SLC44A5: variants seen among roughly 807,000 people sequenced by gnomAD.
SLC44A5 encodes the protein solute carrier family 44 member 5, also known as choline transporter-like protein 5.
SLC44A5 carries 57 observed loss-of-function variants against 101.8 expected under a neutral mutation model. The ratio of observed to expected loss-of-function variants is 0.56; its 90% CI spans 0.45 to 0.70. The LOEUF is 0.70. Among genes scored for constraint, SLC44A5 ranks in the 30% least tolerant of loss-of-function variants. The pLI, the probability that SLC44A5 is intolerant of heterozygous loss-of-function variation, is 0.00. For synonymous variants in SLC44A5, 281 were observed against 290.9 expected (o/e 0.97, Z 0.35); for missense variants, 737 against 853.1 (o/e 0.86, Z 1.70).
chr1:75,574,243 A>G (rs1007774510), intron 1 of SLC44A5, among the ~76,000 whole-genome samples: 23 of 152,182 alleles, frequency 1.5e-4, no homozygotes, highest in African/African-American at 3.9e-4. Flanking sequence ...CTACAAGTAG[A>G]CTGCATTGCA....
At chr1:75,249,529 C>T (rs553756918) in intron 7 of SLC44A5, among the ~76,000 whole-genome samples, 290 of 152,104 alleles carry the variant, frequency 1.9e-3, no homozygotes, top group African/African-American at 6.3e-3. Flanking sequence ...GCCAAGCAAA[C>T]GGCTATAGGA....
chr1:75,673,786 T>C, the SLC44A5 span, among the ~76,000 whole-genome samples: 3 of 152,124 alleles, frequency 2.0e-5, no homozygotes, highest in Non-Finnish European at 2.9e-5. Flanking sequence ...ATCCAGGGAA[T>C]TCTCCTGGAT....
At chr1:75,444,314 CA>C (rs1352110826) in intron 2 of SLC44A5, among the ~76,000 whole-genome samples, 301 of 25,222 alleles carry the variant, frequency 0.012, no homozygotes, top group Middle Eastern at 0.019. Context: ...AAAACTCTGT[CA>C]AAAAAAAAAA....
chr1:75,462,466 A>G (rs1267809065), intron 2 of SLC44A5, among the ~76,000 whole-genome samples: 2 of 152,210 alleles, frequency 1.3e-5, no homozygotes, highest in Non-Finnish European at 2.9e-5. Context: ...TAACTCTTCA[A>G]TGCCCAGACA....
chr1:75,698,533 TA>T, the SLC44A5 span, among the ~76,000 whole-genome samples: 2 of 152,050 alleles, frequency 1.3e-5, no homozygotes, highest in African/African-American at 4.8e-5. Context: ...CAAAACTAGA[TA>T]AAACCACAAA....
intron 10 of SLC44A5, among the ~76,000 whole-genome samples, chr1:75,237,665 T>A (rs1648219657): frequency 6.6e-6 from 1 of 152,090 alleles, no homozygotes; most frequent in Admixed American, 6.6e-5. Context: ...TAATTATATA[T>A]GCATCACAGG....
chr1:75,243,587 T>A (rs1211953243), intron 7 of SLC44A5, among the ~76,000 whole-genome samples: 1 of 152,146 alleles, frequency 6.6e-6, no homozygotes, highest in Non-Finnish European at 1.5e-5. Flanking sequence ...GAGATAATTG[T>A]AAATCAACAT....
chr1:75,337,516 G>T (rs1192256889), intron 4 of SLC44A5, among the ~76,000 whole-genome samples: 3 of 152,154 alleles, frequency 2.0e-5, no homozygotes, highest in Non-Finnish European at 2.9e-5. Flanking sequence ...TAATGCCAAG[G>T]ATAATGCTGA....
chr1:75,541,802 C>T (rs1233717093), intron 1 of SLC44A5, among the ~76,000 whole-genome samples: 1 of 152,044 alleles, frequency 6.6e-6, no homozygotes, highest in Non-Finnish European at 1.5e-5. Flanking sequence ...CTTCACGTTC[C>T]CCCTGTAAAA....
chr1:75,556,196 A>T (rs1672206634), intron 1 of SLC44A5, among the ~76,000 whole-genome samples: 1 of 152,092 alleles, frequency 6.6e-6, no homozygotes, highest in Non-Finnish European at 1.5e-5. Flanking sequence ...CCTCCAAGCA[A>T]AATTAGTCAC....
intron 2 of SLC44A5, among the ~76,000 whole-genome samples, chr1:75,449,302 T>C (rs1665761829): frequency 6.6e-6 from 1 of 152,206 alleles, no homozygotes; most frequent in Non-Finnish European, 1.5e-5. Context: ...CTTGTCTCCT[T>C]CCAGCTTTAG....
intron 3 of SLC44A5, among the ~76,000 whole-genome samples, chr1:75,350,743 A>T (rs1275670063): frequency 1.3e-5 from 2 of 151,536 alleles, no homozygotes; most frequent in African/African-American, 4.8e-5. Flanking sequence ...AGACACAAAA[A>T]ATGAGCCAGG....
At chr1:75,601,123 GC>G (rs1007146086) in intron 1 of SLC44A5, among the ~76,000 whole-genome samples, 7 of 152,152 alleles carry the variant, frequency 4.6e-5, no homozygotes. Context: ...ATTTTGGCTA[GC>G]GACATTTCAG....
chr1:75,408,919 T>C (rs1663091135), intron 2 of SLC44A5, among the ~76,000 whole-genome samples: 2 of 152,152 alleles, frequency 1.3e-5, no homozygotes, highest in South Asian at 4.1e-4. Flanking sequence ...TGTTAATGCC[T>C]TTCCTTACAG....
chr1:75,245,932 A>G (rs1417913626), intron 7 of SLC44A5, among the ~76,000 whole-genome samples: 6 of 152,142 alleles, frequency 3.9e-5, no homozygotes, highest in Admixed American at 3.9e-4. Flanking sequence ...CTGTCCTTTA[A>G]GTGCTTGTGA....
intron 2 of SLC44A5, among the ~76,000 whole-genome samples, chr1:75,417,354 G>A (rs1016720096): frequency 6.6e-6 from 1 of 152,194 alleles, no homozygotes; most frequent in Non-Finnish European, 1.5e-5. Flanking sequence ...GGCTTCTACA[G>A]CCACATGGAA....
chr1:75,541,999 T>G (rs747944583), intron 1 of SLC44A5, among the ~76,000 whole-genome samples: 1 of 152,166 alleles, frequency 6.6e-6, no homozygotes, highest in Non-Finnish European at 1.5e-5. Flanking sequence ...AATGGTATTA[T>G]ATGGCATTTA....
At chr1:75,691,064 AC>A in the SLC44A5 span, among the ~76,000 whole-genome samples, 771 of 150,154 alleles carry the variant, frequency 5.1e-3, 10 homozygotes, top group African/African-American at 0.018. Flanking sequence ...ATACACATGC[AC>A]CCCCCCCTTT....
At chr1:75,293,590 G>A (rs1277374055) in intron 5 of SLC44A5, among the ~76,000 whole-genome samples, 1 of 152,136 alleles carries the variant, frequency 6.6e-6, no homozygotes, top group Non-Finnish European at 1.5e-5. Context: ...GCAGATAATA[G>A]GACACATGAT....
Sources: gnomAD v4.1 joint callset for allele counts (sites outside exome capture counted in the v4.1 genomes callset) on GRCh38, gnomAD v4.1.1 for gene constraint, MANE v1.5 for transcripts, NCBI Gene and HGNC (gene_info 2026-07-23, HGNC 2026-07-21) for gene names.